Variants in STAP1 observed in about 807,000 individuals in gnomAD.
The protein encoded by STAP1 is signal-transducing adaptor protein 1.
A neutral mutation model predicts 37.8 loss-of-function variants in STAP1; 30 were observed. That is an observed-to-expected ratio of 0.79 (90% CI 0.59 to 1.08). The LOEUF is 1.08. Among genes scored for constraint, STAP1 ranks in the 50% least tolerant of loss-of-function variants. STAP1 has a pLI of 0.00. For synonymous variants in STAP1, 130 were observed against 116.0 expected, an observed-to-expected ratio of 1.12 and a Z score of -0.78; for missense variants, 357 against 349.4, an observed-to-expected ratio of 1.02 and a Z score of -0.17.
At chr4:67,565,525 A>G (rs1032547424) in intron 1 of STAP1, among the ~76,000 whole-genome samples, 6 of 152,188 alleles carry the variant, frequency 3.9e-5, no homozygotes, top group African/African-American at 9.7e-5. Flanking sequence ...AAAAAATGCA[A>G]AGTTCTTGCC....
At chr4:67,561,875 C>A (rs980677935) in intron 1 of STAP1, among the ~76,000 whole-genome samples, 8 of 151,672 alleles carry the variant, frequency 5.3e-5, no homozygotes, top group Admixed American at 1.3e-4. Flanking sequence ...AAATGGAGAC[C>A]AACCTGTTCA....
At chr4:67,586,463 AAAAC>A (rs749375501) in intron 6 of STAP1, among the ~76,000 whole-genome samples, 68 of 152,332 alleles carry the variant, frequency 4.5e-4, no homozygotes, top group Middle Eastern at 3.4e-3. Flanking sequence ...TCTCAAAAAC[AAAAC>A]AAACAAACAA....
Position 67,583,646 on chromosome 4 carries a change from C to T in STAP1, c.603C>T (p.Ile201=). 6.2e-7 allele frequency: 1 copy of T among 1,613,892 alleles called. No individual in the cohort carries two copies. The highest frequency in any genetic ancestry group is 1.1e-5 in the South Asian group (1 of 91,064). The change falls in exon 6 of 9, where the codon ATC becomes ATT. Residue 201 remains isoleucine (I), a synonymous_variant. Transcript: ENST00000265404. ...AGAACCCTTCTTTGGGAAATATGAT[C>T]CTGAGGCCTGGTAGTGACAGTAGAA... is the stretch of plus-strand genomic sequence containing the variant. ...LQKNPSLGNM[I]LRPGSDSRNY...
At chr4:67,584,098 GAAAAAAA>G (rs60099631) in intron 6 of STAP1, among the ~76,000 whole-genome samples, 1 of 94,444 alleles carries the variant, frequency 1.1e-5, no homozygotes, top group African/African-American at 3.9e-5. Flanking sequence ...ACTCGGTCTC[GAAAAAAA>G]AAAAAAAAAA....
intron 1 of STAP1, among the ~76,000 whole-genome samples, chr4:67,564,986 A>G (rs1727433801): frequency 6.6e-6 from 1 of 152,048 alleles, no homozygotes; most frequent in East Asian, 1.9e-4. Flanking sequence ...CTACATTCCC[A>G]TCTCCTCCTG....
chr4:67,583,766 A>G, intron 6 of STAP1, 64 bp downstream of exon 6: 1 of 1,557,612 alleles, frequency 6.4e-7, no homozygotes, highest in Non-Finnish European at 8.7e-7. Flanking sequence ...ATACAAGTCC[A>G]GATCAGCACC....
chr4:67,573,640 A>G (rs555860849), intron 2 of STAP1, among the ~76,000 whole-genome samples: 5 of 152,278 alleles, frequency 3.3e-5, no homozygotes, highest in African/African-American at 9.6e-5. Context: ...GACATATAAA[A>G]TTGTTTATCA....
chr4:67,568,204 CA>C (rs1727515345), intron 1 of STAP1, among the ~76,000 whole-genome samples: 2 of 152,046 alleles, frequency 1.3e-5, no homozygotes, highest in Non-Finnish European at 2.9e-5. Flanking sequence ...GGTTAAAAAA[CA>C]TAAAGGATAT....
rs1270451085 is a variant in STAP1, at chr4:67,583,625, C to A, written c.582C>A (p.Asn194Lys). 1 of 1,613,752 alleles carries A rather than the reference C, an allele frequency of 6.2e-7. No individual in the cohort carries two copies. Reference protein sequence around the residue: ...RKEATEMLQKNPSLGNMILRP... With the variant: ...RKEATEMLQKKPSLGNMILRP... The stretch of plus-strand genomic sequence containing the variant: ...AGGCAACTGAGATGCTCCAGAAGAA[C>A]CCTTCTTTGGGAAATATGATCCTGA... Residue 194 changes from asparagine (N) to lysine (K), a missense_variant, in exon 6 of 9, where the codon AAC becomes AAA. By Grantham distance (94) the Asn-to-Lys change is moderately conservative (BLOSUM62 0). Coordinates refer to ENST00000265404, the MANE Select transcript of STAP1 (RefSeq NM_012108.4).
intron 6 of STAP1, among the ~76,000 whole-genome samples, chr4:67,584,875 T>C (rs1448619067): frequency 6.6e-6 from 1 of 152,228 alleles, no homozygotes. Context: ...TGAACTGTTG[T>C]CATAATCTGA....
chr4:67,564,065 T>A (rs764318944), intron 1 of STAP1, among the ~76,000 whole-genome samples: 1 of 152,208 alleles, frequency 6.6e-6, no homozygotes, highest in Non-Finnish European at 1.5e-5. Flanking sequence ...GAGATTGATA[T>A]TTATAAATGA....
chr4:67,595,981 A>T (rs1325566734), intron 8 of STAP1, among the ~76,000 whole-genome samples: 1 of 143,708 alleles, frequency 7.0e-6, no homozygotes, highest in African/African-American at 2.8e-5. Flanking sequence ...ACACATTTTG[A>T]TTTATAGGTA....
chr4:67,594,793 A>G (rs1321735474), intron 8 of STAP1, among the ~76,000 whole-genome samples: 1 of 152,176 alleles, frequency 6.6e-6, no homozygotes, highest in African/African-American at 2.4e-5. Flanking sequence ...CCTACTGAAT[A>G]ATAATGTTGA....
chr4:67,581,192 T>C (rs1006661404), intron 4 of STAP1, 113 bp from the exon 5 acceptor site: 2 of 1,022,428 alleles, frequency 2.0e-6, no homozygotes, highest in African/African-American at 3.2e-5. Flanking sequence ...TCCCTACTCA[T>C]TCACCTCTGT....
At chr4:67,574,237 T>C (rs1727670344) in intron 2 of STAP1, among the ~76,000 whole-genome samples, 1 of 152,100 alleles carries the variant, frequency 6.6e-6, no homozygotes, top group Admixed American at 6.6e-5. Context: ...ACAGAATGCT[T>C]TCCTTGATTT....
chr4:67,560,546 C>A (rs1289244611), intron 1 of STAP1, among the ~76,000 whole-genome samples: 1 of 152,180 alleles, frequency 6.6e-6, no homozygotes, highest in African/African-American at 2.4e-5. Context: ...AGAAAGCATT[C>A]TTTGAAGCAG....
At position 67,607,268 on chromosome 4, in the gene STAP1, A is replaced by C. The variant is rs1413412793; in HGVS notation, c.*911A>C. The C allele has an allele frequency of 6.6e-6, 1 of 152,214 alleles. No individual in the cohort carries two copies. Among genetic ancestry groups the C allele is most frequent in the Non-Finnish European group, 1.5e-5 (1 of 68,056 alleles). 9.4% of individuals were successfully genotyped at this position (152,214 alleles called of 1,614,324 possible). A position where few individuals can be genotyped will look rare whatever the true frequency, so the allele number is the denominator to read the frequency against. ...GGAGAGAGGCCTCGGGGGGAAAAAA[A>C]GATCAACCTGGCCAAAACCTTGAAA... On this transcript the variant is annotated 3_prime_UTR_variant, in exon 9 of 9. Transcript: ENST00000265404.
intron 5 of STAP1, 93 bp downstream of exon 5, chr4:67,581,564 A>G: frequency 7.3e-7 from 1 of 1,373,554 alleles, no homozygotes; most frequent in East Asian, 2.3e-5. Flanking sequence ...TTGTTAAGCC[A>G]GGGACAATAA....
rs748733607 is a variant in STAP1 at position 67,606,330 on chromosome 4, G to T, written c.861G>T (p.Lys287Asn). 6.2e-7 allele frequency: 1 copy of T among 1,611,830 alleles called. No individual in the cohort carries two copies. Among genetic ancestry groups the T allele is most frequent in the Non-Finnish European group, 8.5e-7 (1 of 1,179,224 alleles). Residue 287 changes from lysine (K) to asparagine (N), a missense_variant, in exon 9 of 9, where the codon AAG (lysine) becomes AAT (asparagine). Transcript: ENST00000265404. ...QEPSMEGRSEKLKKNPHIA is the reference protein window; with the variant it reads ...QEPSMEGRSENLKKNPHIA ...CCAGTATGGAAGGGAGAAGTGAAAA[G>T]TTGAAGAAAAATCCACACATTGCAT...
Sources: allele counts gnomAD v4.1 joint callset (sites outside exome capture counted in the v4.1 genomes callset), GRCh38; gene constraint gnomAD v4.1.1; transcripts MANE v1.5; gene names NCBI Gene and HGNC (gene_info 2026-07-23, HGNC 2026-07-21).